The following ZBTB7B variants were observed in gnomAD, a reference collection of about 807,000 sequenced individuals.
ZBTB7B encodes the protein zinc finger and BTB domain-containing protein 7B.
A neutral mutation model predicts 31.0 loss-of-function variants in ZBTB7B; 8 were observed. That is an observed-to-expected ratio of 0.26 (90% confidence interval 0.15 to 0.47). ZBTB7B has a LOEUF of 0.47. ZBTB7B is among the 20% of genes least tolerant of loss of function. ZBTB7B has a pLI of 0.99. For synonymous variants in ZBTB7B, 261 were observed against 307.3 expected, an observed-to-expected ratio of 0.85 and a Z score of 1.58; for missense variants, 494 against 742.4, an observed-to-expected ratio of 0.67 and a Z score of 3.89.
chr1:155,018,422 T>G lies in ZBTB7B; in HGVS notation c.*1737T>G. 4 of 991,216 alleles carry G rather than the reference T, an allele frequency of 4.0e-6. No individual in the cohort carries two copies. The highest frequency in any genetic ancestry group is 5.9e-6 in the Non-Finnish European group (4 of 679,254). 61.4% of individuals were successfully genotyped at this position (991,216 alleles called of 1,614,324 possible). A position where few individuals can be genotyped will look rare whatever the true frequency, so the allele number is the denominator to read the frequency against. On this transcript the variant is annotated 3_prime_UTR_variant, in exon 3 of 3. Transcript: ENST00000535420. ...CTTTCGGCTTTCCCAGTCAGTGCCT[T>G]AGGGGGAGAGGCACTCCCCCCCTCC...
rs1247759625 is a variant in ZBTB7B at position 155,003,706 on chromosome 1, C to T, written c.-7+763C>T. 6.6e-6 allele frequency among the ~76,000 whole-genome samples: 1 copy of T among 152,230 alleles called. No individual in the cohort carries two copies. The highest frequency in any genetic ancestry group is 1.9e-4 in the East Asian group (1 of 5,204). On this transcript the variant is annotated intron_variant, in intron 1 of 2. Transcript: ENST00000535420. This position sits in a 1 kb window ranked among gnomAD's most constrained non-coding sequence, Gnocchi z 5.8. Reference sequence around the variant, plus strand: ...TACCTACTACCCGTCCCCCCACCGGCGCCGGCGCACCTGCCCCAGCCCAGA... The same window carrying T: ...TACCTACTACCCGTCCCCCCACCGGTGCCGGCGCACCTGCCCCAGCCCAGA...
chr1:155,012,804 C>G (rs1210382232), intron 1 of ZBTB7B, among the ~76,000 whole-genome samples: 10 of 150,884 alleles, frequency 6.6e-5, no homozygotes, highest in Admixed American at 3.3e-4. Context: ...CCATTCACCC[C>G]CCCACCCAAA....
chr1:155,012,045 C>G (rs1438412173), intron 1 of ZBTB7B, among the ~76,000 whole-genome samples: 2 of 152,196 alleles, frequency 1.3e-5, no homozygotes, highest in South Asian at 4.1e-4. Flanking sequence ...GCCTCTCCCC[C>G]TCTTTCATTG....
chr1:155,017,906 G>A lies in ZBTB7B; in HGVS notation c.*1221G>A, dbSNP rs1396224276. 6.5e-6 allele frequency: 1 copy of A among 152,862 alleles called. No homozygotes were observed. Among genetic ancestry groups the A allele is most frequent in the Non-Finnish European group, 1.5e-5 (1 of 68,442 alleles). 9.5% of individuals were successfully genotyped at this position (152,862 alleles called of 1,614,324 possible). On this transcript the variant is annotated 3_prime_UTR_variant, in exon 3 of 3. Transcript: ENST00000535420. ...GAGAATAATCCCCACTCTGCTCTTAGGATTGAATCCACCCCCATTCTGTAC... is the reference window on the plus strand; with the variant it reads ...GAGAATAATCCCCACTCTGCTCTTAAGATTGAATCCACCCCCATTCTGTAC...
At chr1:155,013,596 C>T (rs1659150014) in intron 1 of ZBTB7B, among the ~76,000 whole-genome samples, 1 of 151,942 alleles carries the variant, frequency 6.6e-6, no homozygotes, top group South Asian at 2.1e-4. Context: ...GCTCTGCACC[C>T]ACCTCCTGTG....
upstream of ZBTB7B, among the ~76,000 whole-genome samples, chr1:155,002,339 G>C (rs1245923251): frequency 6.7e-6 from 1 of 150,122 alleles, no homozygotes; most frequent in Non-Finnish European, 1.5e-5. Context: ...GAAAGGGGGG[G>C]GAGAGAGGGA....
At position 155,017,705 on chromosome 1, in the gene ZBTB7B, C is replaced by G. The variant is rs1353563044; in HGVS notation, c.*1020C>G. ...CTGAGTGGGCGAGCGCCCCCCGCGG[C>G]CACTGGAGCGAGCTGTCTTCACGCT... On this transcript the variant is annotated 3_prime_UTR_variant, in exon 3 of 3. Transcript: ENST00000535420. 1 of 152,472 alleles carries G rather than the reference C, an allele frequency of 6.6e-6. No individual in the cohort carries two copies. The highest frequency in any genetic ancestry group is 1.5e-5 in the Non-Finnish European group (1 of 68,222). The allele number at this position is 152,472 out of a possible 1,614,324, so 9.4% of individuals were successfully genotyped here. A position where few individuals can be genotyped will look rare whatever the true frequency, so the allele number is the denominator to read the frequency against.
At chr1:155,008,155 C>T (rs1356677903) in intron 1 of ZBTB7B, among the ~76,000 whole-genome samples, 3 of 152,068 alleles carry the variant, frequency 2.0e-5, no homozygotes, top group Non-Finnish European at 4.4e-5. Context: ...GTGCCCACAG[C>T]TCCCCCAATC....
chr1:155,007,294 T>A (rs1658614796), intron 1 of ZBTB7B, among the ~76,000 whole-genome samples: 1 of 152,204 alleles, frequency 6.6e-6, no homozygotes, highest in Non-Finnish European at 1.5e-5. Context: ...AGGGGCCCCA[T>A]GAACTCCCTC....
Position 155,004,575 on chromosome 1 carries a change from G to A in ZBTB7B, c.-7+1632G>A, listed in dbSNP as rs981704642. On this transcript the variant is annotated intron_variant, in intron 1 of 2. Transcript: ENST00000535420. This position sits in a 1 kb window ranked among gnomAD's most constrained non-coding sequence, Gnocchi z 4.0. Reference sequence around the variant, plus strand: ...GGAGTGGACATCAGGTTGGGGAGGAGAGAGTGGGCATAAGGAGTGTTGTGC... The same window carrying A: ...GGAGTGGACATCAGGTTGGGGAGGAAAGAGTGGGCATAAGGAGTGTTGTGC... Among the ~76,000 whole-genome samples, 2 of 152,168 alleles carry A rather than the reference G, an allele frequency of 1.3e-5. No individual in the cohort carries two copies. Among genetic ancestry groups the A allele is most frequent in the African/African-American group, 2.4e-5 (1 of 41,428 alleles).
rs756028013 is a variant in ZBTB7B, at chr1:155,015,259, G to A, written c.599G>A (p.Arg200His). ...PPPPPRPVAR[R>H]SRKPRKAFLQ... ...CCGCCACCTCGGCCTGTTGCCCGCC[G>A]CAGCCGCAAGCCCCGGAAAGCTTTC... The change falls in exon 2 of 3, where the codon CGC becomes CAC. Residue 200 changes from arginine (R) to histidine (H), a missense_variant. By Grantham distance (29) the Arg-to-His change is conservative. Around this residue, in one of 5 missense-constraint regions of ZBTB7B, gnomAD observed 216 missense variants for 229.3 expected, o/e 0.94. Transcript: ENST00000535420. 16 of 1,613,448 alleles carry A rather than the reference G, an allele frequency of 9.9e-6. No individual in the cohort carries two copies. The highest frequency in any genetic ancestry group is 1.6e-4 in the Middle Eastern group (1 of 6,082).
intron 1 of ZBTB7B, chr1:155,014,024 C>T (rs745638860): frequency 1.2e-5 from 12 of 985,798 alleles, no homozygotes; most frequent in South Asian, 4.7e-5. Flanking sequence ...GTGTCCTAAC[C>T]GCTTTGGAGA....
Position 155,016,606 on chromosome 1 carries a change from C to T in ZBTB7B, c.1541C>T (p.Thr514Ile). The T allele has an allele frequency of 1.2e-6, 2 of 1,612,256 alleles. No homozygotes were observed. The highest frequency in any genetic ancestry group is 1.7e-6 in the Non-Finnish European group (2 of 1,178,808). The change falls in exon 3 of 3, where the codon ACC becomes ATC. Residue 514 changes from threonine (T) to isoleucine (I), a missense_variant. Thr to Ile is a moderately conservative substitution (Grantham distance 89). Transcript: ENST00000535420. The surrounding 1 kb of genome is among the most constrained non-coding windows in gnomAD (Gnocchi z 4.3). ...QSAPTGPPVSTPGPPDDDEEE... is the reference protein window; with the variant it reads ...QSAPTGPPVSIPGPPDDDEEE... ...GCCCCCACTGGGCCCCCGGTCTCTA[C>T]CCCAGGGCCCCCTGATGACGATGAG...
At position 155,003,885 on chromosome 1, in the gene ZBTB7B, G is replaced by A. The variant is rs1348285516; in HGVS notation, c.-7+942G>A. Among the ~76,000 whole-genome samples, 4 of 152,296 alleles carry A rather than the reference G, an allele frequency of 2.6e-5. No individual in the cohort carries two copies. In the East Asian group the frequency reaches 5.8e-4, roughly 22 times the overall value. On this transcript the variant is annotated intron_variant, in intron 1 of 2. Transcript: ENST00000535420. This position sits in a 1 kb window ranked among gnomAD's most constrained non-coding sequence, Gnocchi z 5.8. ...AAGAGAGCGACGTGTCCCGGCCAGA[G>A]CGAGGTGGGGGCGGGAGTGGGGGGG...
In ZBTB7B at chr1:155,015,830, G is replaced by C; in HGVS notation, c.1154+16G>C. The C allele has an allele frequency of 6.2e-7, 1 of 1,603,186 alleles. No individual in the cohort carries two copies. The highest frequency in any genetic ancestry group is 8.5e-7 in the Non-Finnish European group (1 of 1,173,508). ...GATTCACCAGGTGAGCAGCAAGGGGGGAAGGGCCCGGCAGGGGCCATGGGT... is the reference window on the plus strand; with the variant it reads ...GATTCACCAGGTGAGCAGCAAGGGGCGAAGGGCCCGGCAGGGGCCATGGGT... On this transcript the variant is annotated intron_variant, in intron 2 of 2. Transcript: ENST00000535420.
chr1:155,009,062 A>G (rs1324694597), intron 1 of ZBTB7B, among the ~76,000 whole-genome samples: 2 of 152,248 alleles, frequency 1.3e-5, no homozygotes, highest in Non-Finnish European at 2.9e-5. Context: ...CAAGGGTCAG[A>G]GGACTGAAAA....
In ZBTB7B at chr1:155,015,093, G is replaced by A; in HGVS notation, c.433G>A (p.Gly145Arg). 1 of 1,613,706 alleles carries A rather than the reference G, an allele frequency of 6.2e-7. No individual in the cohort carries two copies. The highest frequency in any genetic ancestry group is 8.5e-7 in the Non-Finnish European group (1 of 1,180,026). The change falls in exon 2 of 3, where the codon GGG becomes AGG. Residue 145 changes from glycine to arginine, a missense_variant. Physicochemically the swap from Gly to Arg is moderately radical, Grantham distance 125. This residue lies in a region of ZBTB7B where 90 missense variants were observed against 143.2 expected (regional missense o/e 0.63). Transcript: ENST00000535420. ...AACMEILQGSGLEAPSPDEDD... is the reference protein window; with the variant it reads ...AACMEILQGSRLEAPSPDEDD... ...TTGCATGGAGATTCTGCAGGGCAGTGGGCTAGAAGCTCCCAGCCCGGACGA... is the reference window on the plus strand; with the variant it reads ...TTGCATGGAGATTCTGCAGGGCAGTAGGCTAGAAGCTCCCAGCCCGGACGA...
At chr1:155,011,850 C>T (rs1042314228) in intron 1 of ZBTB7B, among the ~76,000 whole-genome samples, 1 of 152,174 alleles carries the variant, frequency 6.6e-6, no homozygotes, top group African/African-American at 2.4e-5. Flanking sequence ...AAGGGGGAGG[C>T]CTTTGCCCCA....
Position 155,016,720 on chromosome 1 carries a change from C to T in ZBTB7B, c.*35C>T. 2 of 1,243,450 alleles carry T rather than the reference C, an allele frequency of 1.6e-6. No individual in the cohort carries two copies. Among genetic ancestry groups the T allele is most frequent in the Non-Finnish European group, 2.2e-6 (2 of 901,154 alleles). 77.0% of individuals were successfully genotyped at this position (1,243,450 alleles called of 1,614,324 possible). On this transcript the variant is annotated 3_prime_UTR_variant, in exon 3 of 3. Coordinates refer to ENST00000535420, the MANE Select transcript of ZBTB7B (RefSeq NM_001256455.2). The surrounding 1 kb of genome is among the most constrained non-coding windows in gnomAD (Gnocchi z 4.3). ...AGGGCCAGACTGAAGCAGCACAAGGCCGGGGACACCCATGCCAAGCAGTGG... is the reference window on the plus strand; with the variant it reads ...AGGGCCAGACTGAAGCAGCACAAGGTCGGGGACACCCATGCCAAGCAGTGG...
Sources: allele counts gnomAD v4.1 joint callset (sites outside exome capture counted in the v4.1 genomes callset), GRCh38; gene constraint gnomAD v4.1.1; regional missense constraint gnomAD v4.1.1; non-coding constraint Gnocchi (gnomAD v3.1); transcripts MANE v1.5; gene names NCBI Gene and HGNC (gene_info 2026-07-23, HGNC 2026-07-21).